Variants in RBM11 observed in about 807,000 individuals in gnomAD.
The protein encoded by RBM11 is splicing regulator RBM11.
RBM11 carries 18 observed loss-of-function variants against 21.4 expected under a neutral mutation model. The observed-to-expected ratio is 0.84, with a 90% CI of 0.58 to 1.25. RBM11 has a LOEUF of 1.25. RBM11 is among the 50% of genes most tolerant of loss of function. The probability of loss-of-function intolerance (pLI) is 0.00; values close to 1 mark genes in which losing one functional copy is unlikely to be tolerated. For missense variants in RBM11, 294 were observed against 331.9 expected (o/e 0.89, Z 0.89); for synonymous variants, 120 against 116.3 (o/e 1.03, Z -0.20).
At position 14,216,231 on chromosome 21, in the gene RBM11, G is replaced by T; in HGVS notation, c.45G>T (p.Gly15=). Residue 15 remains glycine (G), a synonymous_variant, in exon 1 of 5, where the codon GGG becomes GGT. Coordinates refer to ENST00000400577, the MANE Select transcript of RBM11 (RefSeq NM_144770.5). ...QEEADRTVFV[G]NLEARVREEI... ...AGGCCGACAGGACCGTGTTTGTTGG[G>T]AATTTAGAGGCCCGAGTTCGGGAAG... 2 of 1,613,904 alleles carry T rather than the reference G, an allele frequency of 1.2e-6. No homozygotes were observed. The highest frequency in any genetic ancestry group is 1.7e-6 in the Non-Finnish European group (2 of 1,179,830).
intron 4 of RBM11, 110 bp downstream of exon 4, chr21:14,224,647 AG>A: frequency 7.1e-7 from 1 of 1,405,030 alleles, no homozygotes. Flanking sequence ...TGAAGGCACA[AG>A]ATGTCCCAGC....
intron 1 of RBM11, 150 bp downstream of exon 1, chr21:14,216,432 G>T (rs997575647): frequency 1.5e-6 from 1 of 661,664 alleles, no homozygotes; most frequent in Admixed American, 2.6e-5. Flanking sequence ...CTGTCTCCAG[G>T]TGAGCGGCTG....
chr21:14,225,186 A>T (rs975943820), intron 4 of RBM11, among the ~76,000 whole-genome samples: 3 of 152,190 alleles, frequency 2.0e-5, no homozygotes, highest in African/African-American at 7.2e-5. Context: ...ATATAATGTC[A>T]TCAATCCCAA....
In RBM11 at chr21:14,226,906, G is replaced by A; in HGVS notation, c.459G>A (p.Leu153=). Reference sequence around the variant, plus strand: ...AGTGGCATGTGTATAATCCAGTGCTGCAGCTTCCTTACTATGAAATGACAG... The same window carrying A: ...AGTGGCATGTGTATAATCCAGTGCTACAGCTTCCTTACTATGAAATGACAG... ...KMQWHVYNPV[L]QLPYYEMTAP... is the part of the protein sequence containing the mutation. Residue 153 remains leucine (L), a synonymous_variant, in exon 5 of 5, where the codon CTG becomes CTA. Coordinates refer to ENST00000400577, the MANE Select transcript of RBM11 (RefSeq NM_144770.5). The A allele has an allele frequency of 3.1e-6, 5 of 1,613,552 alleles. No individual in the cohort carries two copies. The highest frequency in any genetic ancestry group is 3.4e-6 in the Non-Finnish European group (4 of 1,179,664).
chr21:14,223,482 A>T (rs538674461), intron 3 of RBM11, among the ~76,000 whole-genome samples: 12 of 152,326 alleles, frequency 7.9e-5, no homozygotes, highest in Middle Eastern at 3.4e-3. Flanking sequence ...GACATCCAAG[A>T]TAAAGGTGTC....
intron 1 of RBM11, among the ~76,000 whole-genome samples, chr21:14,216,907 C>T (rs576268484): frequency 3.3e-5 from 5 of 152,268 alleles, no homozygotes; most frequent in East Asian, 1.9e-4. Context: ...TCGTATTGTC[C>T]TATACAGCTA....
At chr21:14,223,824 A>G (rs9980189) in intron 3 of RBM11, among the ~76,000 whole-genome samples, 19,432 of 152,132 alleles carry the variant, frequency 0.13, 1,323 homozygotes, top group African/African-American at 0.18. Flanking sequence ...TGGGTTTGTT[A>G]TCACAAGTAG....
Position 14,219,673 on chromosome 21 carries a change from G to T in RBM11, c.207G>T (p.Leu69Phe). ...HPESVSYAIA[L>F]LNGIRLYGRP... Reference sequence around the variant, plus strand: ...AATCGGTGTCTTATGCCATAGCTTTGCTGAATGGAATTCGTTTATATGGAA... The same window carrying T: ...AATCGGTGTCTTATGCCATAGCTTTTCTGAATGGAATTCGTTTATATGGAA... The change falls in exon 2 of 5, where the codon TTG becomes TTT. Residue 69 changes from leucine to phenylalanine, a missense_variant. Transcript: ENST00000400577. 1 of 1,608,820 alleles carries T rather than the reference G, an allele frequency of 6.2e-7. No homozygotes were observed. Among genetic ancestry groups the T allele is most frequent in the Admixed American group, 1.7e-5 (1 of 59,714 alleles).
At chr21:14,220,749 T>A (rs1382495528) in intron 2 of RBM11, among the ~76,000 whole-genome samples, 1 of 152,180 alleles carries the variant, frequency 6.6e-6, no homozygotes, top group Non-Finnish European at 1.5e-5. Flanking sequence ...AGGGTTAAAC[T>A]CCTGCCTTGT....
chr21:14,221,766 C>T (rs922566286), intron 3 of RBM11, among the ~76,000 whole-genome samples: 2 of 152,178 alleles, frequency 1.3e-5, no homozygotes, highest in African/African-American at 4.8e-5. Flanking sequence ...GTTCAAATTA[C>T]AGCTTTTGTT....
chr21:14,226,757 T>A, intron 4 of RBM11, 123 bp from the exon 5 acceptor site: 1 of 1,346,756 alleles, frequency 7.4e-7, no homozygotes, highest in East Asian at 2.4e-5. Flanking sequence ...GAGGTCACTG[T>A]CTTTCTTATA....
At chr21:14,225,515 G>A (rs188942832) in intron 4 of RBM11, among the ~76,000 whole-genome samples, 75 of 152,204 alleles carry the variant, frequency 4.9e-4, no homozygotes, top group African/African-American at 1.6e-3. Context: ...TTAGTGACAG[G>A]TGTAGGACTA....
rs1332261244 is a variant in RBM11 at position 14,227,055 on chromosome 21, C to T, written c.608C>T (p.Thr203Ile). The T allele has an allele frequency of 2.5e-6, 4 of 1,610,660 alleles. No individual in the cohort carries two copies. The highest frequency in any genetic ancestry group is 3.4e-6 in the Non-Finnish European group (4 of 1,179,102). ...QPSDSDLYQM[T>I]APLPNSASVS... is the part of the protein sequence containing the mutation. ...AGTGACTCTGACCTTTATCAGATGA[C>T]AGCTCCACTTCCTAATAGTGCATCC... Residue 203 changes from threonine (T) to isoleucine (I), a missense_variant, in exon 5 of 5, where the codon ACA becomes ATA. Transcript: ENST00000400577.
At chr21:14,224,736 G>A (rs1441961110) in intron 4 of RBM11, among the ~76,000 whole-genome samples, 199 bp downstream of exon 4, 3 of 152,208 alleles carry the variant, frequency 2.0e-5, no homozygotes, top group African/African-American at 7.2e-5. Context: ...TGGCCAGGGT[G>A]TCAACAGAAA....
At chr21:14,225,168 G>T (rs998614967) in intron 4 of RBM11, among the ~76,000 whole-genome samples, 2 of 152,240 alleles carry the variant, frequency 1.3e-5, no homozygotes, top group South Asian at 4.1e-4. Flanking sequence ...ACTTAGTGAA[G>T]TATTTTTATA....
At chr21:14,224,301 T>C in intron 3 of RBM11, 137 bp from the exon 4 acceptor site, 1 of 1,306,280 alleles carries the variant, frequency 7.7e-7, no homozygotes. Context: ...CCCATCACAC[T>C]TCTGAATTTA....
Position 14,216,273 on chromosome 21 carries a change from G to C in RBM11, c.87G>C (p.Leu29=), listed in dbSNP as rs766104496. 2 of 1,613,198 alleles carry C rather than the reference G, an allele frequency of 1.2e-6. No homozygotes were observed. Among genetic ancestry groups the C allele is most frequent in the African/African-American group, 2.7e-5 (2 of 74,928 alleles). Residue 29 remains leucine, a synonymous_variant, in exon 1 of 5, where the codon CTG becomes CTC. Transcript: ENST00000400577. ...ARVREEILYE[L]FLQAGPLTKV... ...TTCGGGAAGAGATTCTGTACGAGCT[G>C]TTCCTTCAGGTACCGTCTCTGGGAA...
chr21:14,219,823 C>CA (rs997731052), intron 2 of RBM11, 98 bp downstream of exon 2: 73 of 1,012,020 alleles, frequency 7.2e-5, no homozygotes, highest in Middle Eastern at 2.3e-4. Flanking sequence ...AAGACCAAAA[C>CA]AAAAAAAAGT....
intron 1 of RBM11, 130 bp downstream of exon 1, chr21:14,216,412 C>T: frequency 1.4e-6 from 1 of 704,180 alleles, no homozygotes; most frequent in Non-Finnish European, 2.4e-6. Context: ...TTCGTTTCCT[C>T]TTGGCGCACC....
Sources: allele counts gnomAD v4.1 joint callset (sites outside exome capture counted in the v4.1 genomes callset), GRCh38; gene constraint gnomAD v4.1.1; transcripts MANE v1.5; gene names NCBI Gene and HGNC (gene_info 2026-07-23, HGNC 2026-07-21).